ZC3H12B: variants seen among roughly 807,000 people sequenced by gnomAD.
ZC3H12B encodes the protein zinc finger CCCH-type containing 12B.
In ZC3H12B, 7 loss-of-function variants were observed where a neutral mutation model predicts 43.9. The ratio of observed to expected loss-of-function variants is 0.16; its 90% CI spans 0.09 to 0.30. The LOEUF is 0.30. ZC3H12B is among the 10% of genes least tolerant of loss of function. The pLI, the probability that ZC3H12B is intolerant of heterozygous loss-of-function variation, is 1.00. For missense variants in ZC3H12B, 475 were observed against 670.2 expected (o/e 0.71, Z 3.22); for synonymous variants, 222 against 241.7 (o/e 0.92, Z 0.76).
the ZC3H12B span, among the ~76,000 whole-genome samples, chrX:65,306,128 C>CT: frequency 8.9e-6 from 1 of 112,311 alleles, no homozygotes; most frequent in African/African-American, 3.2e-5. Context: ...TTTCTGCATG[C>CT]AGTTCTTATT....
chrX:65,054,863 T>A, the ZC3H12B span, among the ~76,000 whole-genome samples: 93 of 111,261 alleles, frequency 8.4e-4, no homozygotes, highest in South Asian at 0.011. Flanking sequence ...TGAGTGGGAG[T>A]TCACTCATGA....
chrX:65,417,495 C>G (rs2066974915), intron 3 of ZC3H12B, among the ~76,000 whole-genome samples: 1 of 112,387 alleles, frequency 8.9e-6, no homozygotes, highest in Non-Finnish European at 1.9e-5. Flanking sequence ...AGCTTTATTT[C>G]CTATACTCAA....
At chrX:65,401,988 G>T (rs926110068) in intron 3 of ZC3H12B, among the ~76,000 whole-genome samples, 6 of 111,904 alleles carry the variant, frequency 5.4e-5, no homozygotes, top group Admixed American at 9.4e-5. Flanking sequence ...ACTATAGGAG[G>T]ATATAACACC....
chrX:65,356,646 A>G, the ZC3H12B span, among the ~76,000 whole-genome samples: 3 of 112,035 alleles, frequency 2.7e-5, no homozygotes, highest in Non-Finnish European at 3.8e-5. Context: ...ATATTCATAT[A>G]TGTTATTTTG....
chrX:65,153,304 G>C, the ZC3H12B span, among the ~76,000 whole-genome samples: 1 of 111,748 alleles, frequency 8.9e-6, no homozygotes, highest in Admixed American at 9.5e-5. Flanking sequence ...GCAACCTACA[G>C]AATGGGAGAA....
the ZC3H12B span, among the ~76,000 whole-genome samples, chrX:65,063,653 A>G: frequency 2.7e-5 from 3 of 112,238 alleles, no homozygotes; most frequent in Non-Finnish European, 5.6e-5. Context: ...TTTTGGTATC[A>G]GGATGATGTT....
chrX:65,307,549 A>G, the ZC3H12B span, among the ~76,000 whole-genome samples: 2 of 112,083 alleles, frequency 1.8e-5, no homozygotes, highest in Non-Finnish European at 3.8e-5. Context: ...ATAAACAACC[A>G]GTTAATTGGA....
chrX:65,184,557 A>G, the ZC3H12B span, among the ~76,000 whole-genome samples: 1 of 111,906 alleles, frequency 8.9e-6, no homozygotes, highest in Non-Finnish European at 1.9e-5. Context: ...ATTGGTGGAT[A>G]CTAGGACCTT....
intron 3 of ZC3H12B, among the ~76,000 whole-genome samples, chrX:65,467,877 T>C (rs1257175954): frequency 2.7e-5 from 3 of 112,354 alleles, no homozygotes; most frequent in African/African-American, 9.7e-5. Context: ...AGATGAATAG[T>C]TTAAAAATAT....
chrX:65,088,634 A>T, the ZC3H12B span, among the ~76,000 whole-genome samples: 2 of 112,132 alleles, frequency 1.8e-5, no homozygotes, highest in Non-Finnish European at 3.8e-5. Context: ...TGATGTATTG[A>T]ACTCCTTCAA....
the ZC3H12B span, among the ~76,000 whole-genome samples, chrX:65,356,107 T>G: frequency 8.9e-6 from 1 of 112,004 alleles, no homozygotes; most frequent in Admixed American, 9.5e-5. Flanking sequence ...GGATAGCAAG[T>G]GTGTAGTGAG....
At chrX:65,367,098 C>T (rs1044551891) in intron 1 of ZC3H12B, among the ~76,000 whole-genome samples, 7 of 112,135 alleles carry the variant, frequency 6.2e-5, no homozygotes, top group Non-Finnish European at 1.1e-4. Flanking sequence ...TCAGAACTTT[C>T]TTCTTAGTGT....
chrX:65,140,028 G>T, the ZC3H12B span, among the ~76,000 whole-genome samples: 28 of 109,975 alleles, frequency 2.5e-4, no homozygotes, highest in Non-Finnish European at 4.8e-4. Context: ...AGACCATGTT[G>T]TCTATAAACA....
the ZC3H12B span, among the ~76,000 whole-genome samples, chrX:65,111,778 C>G: frequency 1.8e-5 from 2 of 110,370 alleles, no homozygotes; most frequent in African/African-American, 6.6e-5. Flanking sequence ...AGATGACAAA[C>G]TAAATCAATA....
chrX:65,333,175 T>C, the ZC3H12B span, among the ~76,000 whole-genome samples: 1 of 111,410 alleles, frequency 9.0e-6, no homozygotes, highest in African/African-American at 3.3e-5. Flanking sequence ...GCACAGGTAC[T>C]GTGTAGACAA....
chrX:65,413,661 A>G (rs1326218795), intron 3 of ZC3H12B, among the ~76,000 whole-genome samples: 4 of 112,400 alleles, frequency 3.6e-5, no homozygotes, highest in Non-Finnish European at 7.5e-5. Flanking sequence ...ATATGGTACC[A>G]CGCTGTTATG....
At chrX:65,390,852 A>G (rs2066606110) in intron 2 of ZC3H12B, among the ~76,000 whole-genome samples, 1 of 112,294 alleles carries the variant, frequency 8.9e-6, no homozygotes, top group Admixed American at 9.5e-5. Flanking sequence ...AGTATTCAAC[A>G]AAATAGAAAT....
the ZC3H12B span, among the ~76,000 whole-genome samples, chrX:65,235,545 C>A: frequency 2.7e-5 from 3 of 111,033 alleles, no homozygotes; most frequent in African/African-American, 9.8e-5. Flanking sequence ...GCTCACTTTG[C>A]CCACTCAGCC....
the ZC3H12B span, among the ~76,000 whole-genome samples, chrX:65,167,384 T>C: frequency 9.3e-4 from 104 of 111,477 alleles, 1 homozygote; most frequent in African/African-American, 3.3e-3. Context: ...AGGGCTCTGT[T>C]CTGTTCTATT....
Sources: gnomAD v4.1 joint callset for allele counts (sites outside exome capture counted in the v4.1 genomes callset) on GRCh38, gnomAD v4.1.1 for gene constraint, MANE v1.5 for transcripts, NCBI Gene and HGNC (gene_info 2026-07-23, HGNC 2026-07-21) for gene names.